Variants in CACNA1E observed in about 807,000 individuals in gnomAD.
CACNA1E encodes the protein calcium voltage-gated channel subunit alpha1 E, also known as voltage-dependent R-type calcium channel subunit alpha-1E.
A neutral mutation model predicts 259.2 loss-of-function variants in CACNA1E; 40 were observed. The ratio of observed to expected loss-of-function variants is 0.15; its 90% CI spans 0.12 to 0.20. The LOEUF is 0.20. CACNA1E is among the 10% of genes least tolerant of loss of function. The probability of loss-of-function intolerance (pLI) is 1.00; values close to 1 mark genes in which losing one functional copy is unlikely to be tolerated. For missense variants in CACNA1E, 1,874 were observed against 3,040.1 expected (o/e 0.62, Z 9.02); for synonymous variants, 1,104 against 1,138.5 (o/e 0.97, Z 0.61).
intron 3 of CACNA1E, among the ~76,000 whole-genome samples, chr1:181,558,359 G>A (rs1648959628): frequency 6.6e-6 from 1 of 152,154 alleles, no homozygotes; most frequent in African/African-American, 2.4e-5. Context: ...CCTACTACAT[G>A]CCAAGCACCT....
chr1:181,659,680 C>T (rs1647421769), intron 7 of CACNA1E, among the ~76,000 whole-genome samples: 1 of 152,198 alleles, frequency 6.6e-6, no homozygotes, highest in South Asian at 2.1e-4. Flanking sequence ...GCAATGTGAG[C>T]TCTCTTGTGT....
At position 181,795,024 on chromosome 1, in the gene CACNA1E, A is replaced by G. The variant is rs1331399917; in HGVS notation, c.6188A>G (p.His2063Arg). The G allele has an allele frequency of 2.5e-6, 4 of 1,613,766 alleles. No individual in the cohort carries two copies. Among genetic ancestry groups the G allele is most frequent in the Non-Finnish European group, 3.4e-6 (4 of 1,179,846 alleles). Residue 2063 changes from histidine to arginine, a missense_variant, in exon 46 of 48, where the codon CAC becomes CGC. By Grantham distance (29) the His-to-Arg change is conservative. Transcript: ENST00000367573. ...CACTCCTCCTTGCGGCTGTCAGCCCACCGCCTGAACTCTGATTCAGGTGAG... is the reference window on the plus strand; with the variant it reads ...CACTCCTCCTTGCGGCTGTCAGCCCGCCGCCTGAACTCTGATTCAGGTGAG... ...SYHSSLRLSA[H>R]RLNSDSGHKS...
At chr1:181,449,697 C>T (rs944668703) in intron 2 of CACNA1E, among the ~76,000 whole-genome samples, 2 of 152,190 alleles carry the variant, frequency 1.3e-5, no homozygotes, top group African/African-American at 2.4e-5. Flanking sequence ...TTCTGTTGCA[C>T]TGCCAATGCC....
intron 1 of CACNA1E, among the ~76,000 whole-genome samples, chr1:181,375,294 G>T (rs1655023681): frequency 6.6e-6 from 1 of 152,172 alleles, no homozygotes; most frequent in South Asian, 2.1e-4. Flanking sequence ...ATTTTTTCAA[G>T]AAATATTTAT....
At chr1:181,432,358 T>C (rs2877606) in intron 2 of CACNA1E, among the ~76,000 whole-genome samples, 83,044 of 151,882 alleles carry the variant, frequency 0.55, 23,042 homozygotes, top group African/African-American at 0.61. Flanking sequence ...CACTGGCATG[T>C]CTGTTAATAA....
At chr1:181,540,170 C>T (rs1304981346) in intron 3 of CACNA1E, among the ~76,000 whole-genome samples, 2 of 152,156 alleles carry the variant, frequency 1.3e-5, no homozygotes, top group African/African-American at 4.8e-5. Flanking sequence ...TTTCCTAGAT[C>T]CCTTGTGGAA....
intron 6 of CACNA1E, among the ~76,000 whole-genome samples, chr1:181,633,554 C>T (rs1338948819): frequency 1.3e-5 from 2 of 152,028 alleles, no homozygotes; most frequent in Admixed American, 6.6e-5. Context: ...TGCAGTGCCA[C>T]CATCTCAGCT....
intron 6 of CACNA1E, among the ~76,000 whole-genome samples, chr1:181,629,448 A>T (rs1163115557): frequency 1.3e-5 from 2 of 152,214 alleles, no homozygotes; most frequent in Admixed American, 1.3e-4. Context: ...ATCTATATTC[A>T]TGAAGTAGGA....
intron 2 of CACNA1E, among the ~76,000 whole-genome samples, chr1:181,462,130 A>G (rs1276302440): frequency 2.0e-5 from 3 of 152,220 alleles, no homozygotes; most frequent in African/African-American, 4.8e-5. Context: ...GATTCTTATG[A>G]TTTGATAACA....
chr1:181,796,627 T>G (rs1284594268), intron 46 of CACNA1E, 41 bp from the exon 47 acceptor site: 1 of 1,430,142 alleles, frequency 7.0e-7, no homozygotes. Flanking sequence ...TTGGTCAGAG[T>G]GGACAGAGTT....
chr1:181,419,351 G>C (rs556569863), intron 2 of CACNA1E, among the ~76,000 whole-genome samples: 4 of 152,162 alleles, frequency 2.6e-5, no homozygotes, highest in Non-Finnish European at 5.9e-5. Flanking sequence ...CCCACATCAG[G>C]CCTCTGCCTT....
intron 16 of CACNA1E, among the ~76,000 whole-genome samples, chr1:181,723,726 C>T (rs999640628): frequency 3.3e-5 from 5 of 152,102 alleles, no homozygotes; most frequent in Non-Finnish European, 7.4e-5. Flanking sequence ...TAGAATGGCT[C>T]ACAGAACTCA....
chr1:181,732,890 C>T lies in CACNA1E; in HGVS notation c.2804C>T (p.Ser935Leu), dbSNP rs2102553064. 6.2e-7 allele frequency: 1 copy of T among 1,614,010 alleles called. No homozygotes were observed. The highest frequency in any genetic ancestry group is 1.3e-5 in the African/African-American group (1 of 75,064). ...AGGACAGAAGGCAAGGAGTCCTCTTCAGCCTCCCGGAGCAGGTCTGCCAGC... is the reference window on the plus strand; with the variant it reads ...AGGACAGAAGGCAAGGAGTCCTCTTTAGCCTCCCGGAGCAGGTCTGCCAGC... ...RVRTEGKESS[S>L]ASRSRSASQE... Residue 935 changes from serine (S) to leucine (L), a missense_variant, in exon 20 of 48, where the codon TCA becomes TTA. Coordinates refer to ENST00000367573, the MANE Select transcript of CACNA1E (RefSeq NM_001205293.3). This position sits in a 1 kb window ranked among gnomAD's most constrained non-coding sequence, Gnocchi z 5.5.
At chr1:181,791,721 G>T (rs1661327732) in intron 44 of CACNA1E, among the ~76,000 whole-genome samples, 1 of 151,924 alleles carries the variant, frequency 6.6e-6, no homozygotes, top group African/African-American at 2.4e-5. Context: ...CCCAACCATT[G>T]CAAAAGTCTG....
intron 16 of CACNA1E, 94 bp from the exon 17 acceptor site, chr1:181,724,376 A>C: frequency 1.1e-6 from 1 of 945,250 alleles, no homozygotes; most frequent in Non-Finnish European, 1.7e-6. Context: ...TGTTCCTGTT[A>C]ATGTCCCAGG....
At chr1:181,587,807 C>T (rs1454592702) in intron 6 of CACNA1E, among the ~76,000 whole-genome samples, 2 of 152,108 alleles carry the variant, frequency 1.3e-5, no homozygotes, top group African/African-American at 2.4e-5. Context: ...GGTGTGAACC[C>T]GGGAGGTGGA....
intron 25 of CACNA1E, among the ~76,000 whole-genome samples, chr1:181,740,815 G>A (rs1656500378): frequency 6.6e-6 from 1 of 152,166 alleles, no homozygotes; most frequent in Admixed American, 6.5e-5. Context: ...TGGCTGGACT[G>A]TTCTTGAGGA....
intron 21 of CACNA1E, among the ~76,000 whole-genome samples, 193 bp downstream of exon 21, chr1:181,733,943 C>G (rs1367864266): frequency 1.3e-5 from 2 of 152,196 alleles, no homozygotes; most frequent in Admixed American, 1.3e-4. Context: ...TTAAATTTTT[C>G]CCATAAAATT....
At chr1:181,421,385 A>G (rs778200861) in intron 2 of CACNA1E, among the ~76,000 whole-genome samples, 42 of 152,290 alleles carry the variant, frequency 2.8e-4, no homozygotes, top group Admixed American at 4.6e-4. Context: ...AATGTTGATG[A>G]GCACCAGGGT....
Sources: allele counts gnomAD v4.1 joint callset (sites outside exome capture counted in the v4.1 genomes callset), GRCh38; gene constraint gnomAD v4.1.1; non-coding constraint Gnocchi (gnomAD v3.1); transcripts MANE v1.5; gene names NCBI Gene and HGNC (gene_info 2026-07-23, HGNC 2026-07-21).